CLTC: variants seen among roughly 807,000 people sequenced by gnomAD.
CLTC encodes the protein clathrin heavy chain 1.
In CLTC, 16 loss-of-function variants were observed where a neutral mutation model predicts 195.8. The observed-to-expected ratio is 0.08, with a 90% CI of 0.06 to 0.12. CLTC has a LOEUF of 0.12. Ranked by LOEUF, CLTC falls within the 10% of genes least tolerant of loss-of-function variation. The probability of loss-of-function intolerance (pLI) is 1.00; values close to 1 mark genes in which losing one functional copy is unlikely to be tolerated. For synonymous variants in CLTC, 667 were observed against 689.4 expected (o/e 0.97, Z 0.51); for missense variants, 796 against 2,027.0 (o/e 0.39, Z 11.66).
Position 59,695,672 on chromosome 17 carries a change from CAA to C in CLTC, c.*1826_*1827del, listed in dbSNP as rs139136427. ...AGAATGAGACTCTTGTCTCAAAAAA[CAA>C]AAAAACCTATTTAGTTTCATCCAGG... On this transcript the variant is annotated 3_prime_UTR_variant, in exon 32 of 32. Transcript: ENST00000269122. The C allele has an allele frequency of 7.2e-4, 133 of 184,696 alleles. No homozygotes were observed. The highest frequency in any genetic ancestry group is 1.9e-3 in the Middle Eastern group (1 of 536). The allele number at this position is 184,696 out of a possible 1,614,324, so 11.4% of individuals were successfully genotyped here.
intron 16 of CLTC, among the ~76,000 whole-genome samples, chr17:59,676,714 C>A (rs2032973799): frequency 6.6e-6 from 1 of 152,084 alleles, no homozygotes; most frequent in Admixed American, 6.5e-5. Context: ...ACCTATAGTA[C>A]CAGCTACTCG....
chr17:59,691,013 T>C (rs1354516968), intron 31 of CLTC, among the ~76,000 whole-genome samples: 2 of 152,222 alleles, frequency 1.3e-5, no homozygotes, highest in East Asian at 3.8e-4. Flanking sequence ...GAAATATTGA[T>C]GAATTCCATT....
Position 59,695,321 on chromosome 17 carries a change from T to C in CLTC, c.*1469T>C, listed in dbSNP as rs953772124. The C allele has an allele frequency of 2.2e-5, 4 of 185,746 alleles. No homozygotes were observed. Among genetic ancestry groups the C allele is most frequent in the Admixed American group, 6.2e-5 (1 of 16,094 alleles). 11.5% of individuals were successfully genotyped at this position (185,746 alleles called of 1,614,324 possible). A position where few individuals can be genotyped will look rare whatever the true frequency, so the allele number is the denominator to read the frequency against. ...CTGCTTTACAACTCTCTTAGGCAAA[T>C]TACCTAACATAAGCTCCACAGAAGA... On this transcript the variant is annotated 3_prime_UTR_variant, in exon 32 of 32. Coordinates refer to ENST00000269122, the MANE Select transcript of CLTC (RefSeq NM_004859.4).
chr17:59,664,912 A>G lies in CLTC; in HGVS notation c.1644+3A>G, dbSNP rs1382153355. On this transcript the variant is annotated splice_donor_region_variant and intron_variant, in intron 10 of 31. Coordinates refer to ENST00000269122, the MANE Select transcript of CLTC (RefSeq NM_004859.4). ...AGCCTCTTGCTGACATCACACAGGT[A>G]ATGTGATTAAAATATATTTTGTAGA... is the stretch of plus-strand genomic sequence containing the variant. 1.2e-6 allele frequency: 2 copies of G among 1,613,762 alleles called. No homozygotes were observed. Among genetic ancestry groups the G allele is most frequent in the Admixed American group, 3.3e-5 (2 of 59,986 alleles).
intron 1 of CLTC, among the ~76,000 whole-genome samples, chr17:59,642,305 A>G (rs1362408010): frequency 6.6e-6 from 1 of 152,158 alleles, no homozygotes; most frequent in East Asian, 1.9e-4. Context: ...CTATTTGACT[A>G]ACACTATTTT....
chr17:59,667,247 T>TA (rs1414344346), intron 13 of CLTC, among the ~76,000 whole-genome samples: 1 of 152,144 alleles, frequency 6.6e-6, no homozygotes, highest in African/African-American at 2.4e-5. Flanking sequence ...TGAAATTGTA[T>TA]AAAATGAAAA....
chr17:59,675,230 AAC>A lies in CLTC; in HGVS notation c.2561+389_2561+390del, dbSNP rs1291635304. ...CAACCTGAGAAAGCTGATTAAAAAA[AAC>A]AGTGTGGTGTTTAAGTGTGAGGCAA... On this transcript the variant is annotated intron_variant, in intron 16 of 31. Coordinates refer to ENST00000269122, the MANE Select transcript of CLTC (RefSeq NM_004859.4). Among the ~76,000 whole-genome samples the A allele has an allele frequency of 3.3e-5, 5 of 152,212 alleles. No homozygotes were observed. In the East Asian group the frequency reaches 7.7e-4, roughly 23 times the overall value.
rs10853014 is a variant in CLTC, at chr17:59,695,453, C to T, written c.*1601C>T. 106,558 of 177,080 alleles carry T rather than the reference C, an allele frequency of 0.6. 34,987 individuals carry two copies. Among genetic ancestry groups the T allele is most frequent in the Non-Finnish European group, 0.74 (61,195 of 82,514 alleles). The allele number at this position is 177,080 out of a possible 1,614,324, so 11.0% of individuals were successfully genotyped here. A position where few individuals can be genotyped will look rare whatever the true frequency, so the allele number is the denominator to read the frequency against. Reference sequence around the variant, plus strand: ...GGCGGATTGCTTGAGGCCAGGAGTTCGAGACAAGCCTGACCAACATGGTGA... The same window carrying T: ...GGCGGATTGCTTGAGGCCAGGAGTTTGAGACAAGCCTGACCAACATGGTGA... On this transcript the variant is annotated 3_prime_UTR_variant, in exon 32 of 32. Transcript: ENST00000269122.
intron 1 of CLTC, among the ~76,000 whole-genome samples, chr17:59,633,998 T>C (rs1170689112): frequency 6.6e-6 from 1 of 152,182 alleles, no homozygotes; most frequent in Admixed American, 6.5e-5. Context: ...AGCCTCTGCC[T>C]CCTGGACTCA....
chr17:59,632,378 A>AC (rs1354577131), intron 1 of CLTC, among the ~76,000 whole-genome samples: 1 of 151,758 alleles, frequency 6.6e-6, no homozygotes, highest in Non-Finnish European at 1.5e-5. Flanking sequence ...AAAAAAAAAA[A>AC]AAAAAGATTT....
chr17:59,669,707 A>ATG (rs964429939), intron 14 of CLTC, among the ~76,000 whole-genome samples: 1 of 122,444 alleles, frequency 8.2e-6, no homozygotes, highest in South Asian at 3.5e-4. Flanking sequence ...ACTGCCTATT[A>ATG]TGTGTGTGTG....
chr17:59,696,183 CA>C lies in CLTC; in HGVS notation c.*2332del, dbSNP rs2033419534. ...GTCTTAACGTTGCATTTTGTTGCAT[CA>C]CTTTTGCAGCCAGTAAACATTCTGT... On this transcript the variant is annotated 3_prime_UTR_variant, in exon 32 of 32. Transcript: ENST00000269122. The C allele has an allele frequency of 4.5e-6, 1 of 220,092 alleles. No homozygotes were observed. Among genetic ancestry groups the C allele is most frequent in the Non-Finnish European group, 9.1e-6 (1 of 109,750 alleles). The allele number at this position is 220,092 out of a possible 1,614,324, so 13.6% of individuals were successfully genotyped here. A position where few individuals can be genotyped will look rare whatever the true frequency, so the allele number is the denominator to read the frequency against.
chr17:59,671,923 A>G (rs530439086), intron 14 of CLTC, among the ~76,000 whole-genome samples: 2 of 152,162 alleles, frequency 1.3e-5, no homozygotes, highest in South Asian at 2.1e-4. Context: ...GTTTTTCTTT[A>G]TAACACCACT....
intron 2 of CLTC, among the ~76,000 whole-genome samples, chr17:59,645,527 G>GA (rs2143500695): frequency 6.6e-6 from 1 of 152,218 alleles, no homozygotes; most frequent in East Asian, 1.9e-4. Flanking sequence ...CTCTTAAAAA[G>GA]GCATTCGATT....
chr17:59,692,494 C>T (rs1286157729), intron 31 of CLTC, among the ~76,000 whole-genome samples: 1 of 152,130 alleles, frequency 6.6e-6, no homozygotes, highest in Non-Finnish European at 1.5e-5. Context: ...TACTTGTTTT[C>T]GCTCTCTAAG....
At chr17:59,692,202 A>T (rs574877606) in intron 31 of CLTC, among the ~76,000 whole-genome samples, 1 of 152,330 alleles carries the variant, frequency 6.6e-6, no homozygotes, top group Non-Finnish European at 1.5e-5. Context: ...CTGTAGTCCC[A>T]GCTACTTGGG....
At chr17:59,621,919 T>C (rs2031392014) in intron 1 of CLTC, among the ~76,000 whole-genome samples, 1 of 152,168 alleles carries the variant, frequency 6.6e-6, no homozygotes, top group Non-Finnish European at 1.5e-5. Context: ...TGCAGACAAA[T>C]GTTTATAAAC....
rs371211944 is a variant in CLTC, at chr17:59,620,190, G to A, written c.42+17G>A. The A allele has an allele frequency of 6.2e-6, 10 of 1,613,900 alleles. No individual in the cohort carries two copies. The highest frequency in any genetic ancestry group is 1.7e-5 in the Admixed American group (1 of 60,028). On this transcript the variant is annotated intron_variant, in intron 1 of 31. Coordinates refer to ENST00000269122, the MANE Select transcript of CLTC (RefSeq NM_004859.4). The stretch of plus-strand genomic sequence containing the variant: ...CATCTCCAGGTGCGGCCGGGCCCGG[G>A]CTGGTGAGGGCTGTGGAGAAGGTGG...
rs765462428 is a variant in CLTC at position 59,683,377 on chromosome 17, T to C, written c.4042-10T>C. 1.2e-6 allele frequency: 2 copies of C among 1,608,424 alleles called. No homozygotes were observed. Among genetic ancestry groups the C allele is most frequent in the South Asian group, 1.1e-5 (1 of 90,468 alleles). ...CTCATATCTAAAGCAATTAAGTCTT[T>C]CTTATGCAGGTGCTAAGAGCTGCAG... On this transcript the variant is annotated splice_polypyrimidine_tract_variant and intron_variant, in intron 25 of 31. Transcript: ENST00000269122. This position sits in a 1 kb window ranked among gnomAD's most constrained non-coding sequence, Gnocchi z 6.1.
Sources: gnomAD v4.1 joint callset for allele counts (sites outside exome capture counted in the v4.1 genomes callset) on GRCh38, gnomAD v4.1.1 for gene constraint, Gnocchi (gnomAD v3.1) non-coding constraint, MANE v1.5 for transcripts, NCBI Gene and HGNC (gene_info 2026-07-23, HGNC 2026-07-21) for gene names.